PPIL3: variants seen among roughly 807,000 people sequenced by gnomAD.
PPIL3 encodes peptidyl-prolyl cis-trans isomerase-like 3.
In PPIL3, 13 loss-of-function variants were observed where a neutral mutation model predicts 20.9. The observed-to-expected ratio is 0.62, with a 90% CI of 0.40 to 0.99. The LOEUF is 0.99. Among genes scored for constraint, PPIL3 ranks in the 50% least tolerant of loss-of-function variants. The pLI, the probability that PPIL3 is intolerant of heterozygous loss-of-function variation, is 0.00. For synonymous variants in PPIL3, 71 were observed against 64.4 expected, an observed-to-expected ratio of 1.10 and a Z score of -0.49; for missense variants, 170 against 195.2, an observed-to-expected ratio of 0.87 and a Z score of 0.77.
chr2:200,871,534 C>CAATAT lies in PPIL3; in HGVS notation c.360-14_360-13insATATT. The stretch of plus-strand genomic sequence containing the variant: ...ACCATCTATTACCCTGAAAGAGAAA[C>CAATAT]AACATAACATATGAAAATTTCCTTA... On this transcript the variant is annotated splice_polypyrimidine_tract_variant and intron_variant, in intron 6 of 6. Transcript: ENST00000392283. 1 of 1,603,280 alleles carries CAATAT rather than the reference C, an allele frequency of 6.2e-7. No homozygotes were observed.
rs146769944 is a variant in PPIL3, at chr2:200,871,723, C to A, written c.360-202G>T. Among the ~76,000 whole-genome samples the A allele has an allele frequency of 1.4e-3, 219 of 152,252 alleles. 1 individual carries two copies. Among genetic ancestry groups the A allele is most frequent in the African/African-American group, 4.6e-3 (191 of 41,556 alleles). On this transcript the variant is annotated intron_variant, in intron 6 of 6. Transcript: ENST00000392283. ...AATAATTTACTTTTATGCCCTTAGTCAACAATACAAAGGGTAGGAATATTT... is the reference window on the plus strand; with the variant it reads ...AATAATTTACTTTTATGCCCTTAGTAAACAATACAAAGGGTAGGAATATTT...
chr2:200,874,184 G>A (rs1194337023), intron 6 of PPIL3, among the ~76,000 whole-genome samples: 3 of 136,256 alleles, frequency 2.2e-5, no homozygotes, highest in Middle Eastern at 4.5e-3. Context: ...CAGCCTGGGC[G>A]ACAGAGTGAG....
At chr2:200,886,406 G>C (rs2039938900) in intron 2 of PPIL3, among the ~76,000 whole-genome samples, 1 of 151,432 alleles carries the variant, frequency 6.6e-6, no homozygotes, top group Non-Finnish European at 1.5e-5. Flanking sequence ...AAAACAATTT[G>C]GAGGGTTCCT....
At chr2:200,887,868 C>A (rs958192168) in intron 1 of PPIL3, among the ~76,000 whole-genome samples, 183 bp from the exon 2 acceptor site, 37 of 151,888 alleles carry the variant, frequency 2.4e-4, no homozygotes, top group African/African-American at 8.7e-4. Flanking sequence ...ACCAGCCTGG[C>A]CAACATGGCG....
At chr2:200,882,885 G>A (rs1174558067) in intron 3 of PPIL3, among the ~76,000 whole-genome samples, 2 of 146,416 alleles carry the variant, frequency 1.4e-5, no homozygotes, top group Non-Finnish European at 3.0e-5. Flanking sequence ...GGGCGACAGA[G>A]ACTCCGTCTC....
intron 6 of PPIL3, among the ~76,000 whole-genome samples, chr2:200,875,442 A>G (rs1463212366): frequency 1.3e-5 from 2 of 151,790 alleles, no homozygotes; most frequent in Middle Eastern, 3.4e-3. Flanking sequence ...TAATTTTTGT[A>G]TTTTTAGTAG....
At position 200,871,353 on chromosome 2, in the gene PPIL3, G is replaced by A; in HGVS notation, c.*42C>T. 4 of 1,575,154 alleles carry A rather than the reference G, an allele frequency of 2.5e-6. No individual in the cohort carries two copies. The highest frequency in any genetic ancestry group is 1.2e-5 in the South Asian group (1 of 86,796). Reference sequence around the variant, plus strand: ...AAACCGGGTAAACCACAATAAGTGTGTTCCAGCAATTTGTCAAGTTATTTG... The same window carrying A: ...AAACCGGGTAAACCACAATAAGTGTATTCCAGCAATTTGTCAAGTTATTTG... On this transcript the variant is annotated 3_prime_UTR_variant, in exon 7 of 7. Coordinates refer to ENST00000392283, the MANE Select transcript of PPIL3 (RefSeq NM_130906.3).
At chr2:200,877,975 G>C (rs535977626) in intron 5 of PPIL3, among the ~76,000 whole-genome samples, 48 of 152,274 alleles carry the variant, frequency 3.2e-4, no homozygotes, top group Admixed American at 7.2e-4. Context: ...ATGTTACAGG[G>C]AGGTGCCTGT....
intron 3 of PPIL3, 36 bp downstream of exon 3, chr2:200,885,662 T>C (rs1483397888): frequency 3.2e-6 from 4 of 1,260,748 alleles, no homozygotes; most frequent in Non-Finnish European, 4.6e-6. Context: ...TCTTGTTGTA[T>C]TAACTGATGT....
At chr2:200,878,045 A>C (rs2039587609) in intron 5 of PPIL3, among the ~76,000 whole-genome samples, 1 of 152,248 alleles carries the variant, frequency 6.6e-6, no homozygotes, top group East Asian at 1.9e-4. Flanking sequence ...GACGCTAATA[A>C]GTCATAGAGA....
chr2:200,880,751 A>G (rs535477375), intron 5 of PPIL3, among the ~76,000 whole-genome samples: 50 of 152,198 alleles, frequency 3.3e-4, no homozygotes, highest in South Asian at 8.3e-4. Flanking sequence ...GAAAGACCAC[A>G]TAATAAGTCA....
In PPIL3 at chr2:200,882,217, A is replaced by G. The variant is rs944352604; in HGVS notation, c.172+125T>C. The G allele has an allele frequency of 5.7e-6, 4 of 697,118 alleles. No individual in the cohort carries two copies. In the Admixed American group the frequency reaches 9.9e-5, roughly 17 times the overall value. The allele number at this position is 697,118 out of a possible 1,614,324, so 43.2% of individuals were successfully genotyped here. On this transcript the variant is annotated intron_variant, in intron 4 of 6. Transcript: ENST00000392283. ...ACAAACCTGCATGTTCTGTACTTGT[A>G]GAACAGAACTTATTAAACAAAACAA...
chr2:200,878,357 C>T (rs1417151371), intron 5 of PPIL3, among the ~76,000 whole-genome samples: 2 of 151,648 alleles, frequency 1.3e-5, no homozygotes, highest in Non-Finnish European at 2.9e-5. Flanking sequence ...AAGAGGTAAC[C>T]ACTATTCTAA....
intron 3 of PPIL3, 139 bp downstream of exon 3, chr2:200,885,559 A>C (rs1231147798): frequency 9.4e-6 from 6 of 637,336 alleles, no homozygotes; most frequent in Non-Finnish European, 1.4e-5. Context: ...AAATCAGGCC[A>C]GAAGTTAGGA....
chr2:200,883,631 A>T (rs1575112341), intron 3 of PPIL3, among the ~76,000 whole-genome samples: 1 of 152,098 alleles, frequency 6.6e-6, no homozygotes, highest in Admixed American at 6.6e-5. Context: ...ATTTCTTAAA[A>T]ATATAATTAC....
chr2:200,879,272 C>T (rs1290872346), intron 5 of PPIL3, among the ~76,000 whole-genome samples: 1 of 152,116 alleles, frequency 6.6e-6, no homozygotes, highest in Non-Finnish European at 1.5e-5. Flanking sequence ...GCACCCACCA[C>T]CACACCTGGC....
intron 5 of PPIL3, 43 bp downstream of exon 5, chr2:200,881,378 A>G: frequency 6.7e-7 from 1 of 1,493,114 alleles, no homozygotes; most frequent in Middle Eastern, 1.7e-4. Flanking sequence ...TCCATGCATA[A>G]CCAAGGCATG....
intron 3 of PPIL3, among the ~76,000 whole-genome samples, chr2:200,884,028 A>C (rs1434887001): frequency 6.6e-6 from 1 of 152,210 alleles, no homozygotes; most frequent in African/African-American, 2.4e-5. Context: ...CTGGAATTAT[A>C]GATGTGAGCC....
chr2:200,877,887 A>G (rs1193747089), intron 5 of PPIL3, among the ~76,000 whole-genome samples: 2 of 152,210 alleles, frequency 1.3e-5, no homozygotes, highest in Non-Finnish European at 2.9e-5. Context: ...TACTATCATG[A>G]TAGTATTTGT....
Sources: allele counts gnomAD v4.1 joint callset (sites outside exome capture counted in the v4.1 genomes callset), GRCh38; gene constraint gnomAD v4.1.1; transcripts MANE v1.5; gene names NCBI Gene and HGNC (gene_info 2026-07-23, HGNC 2026-07-21).